VRK2: variants seen among roughly 807,000 people sequenced by gnomAD.
The protein encoded by VRK2 is VRK serine/threonine kinase 2, also known as serine/threonine-protein kinase VRK2.
Under a neutral mutation model 57.6 loss-of-function variants are expected in VRK2, and 60 were observed. That is an observed-to-expected ratio of 1.04 (90% CI 0.85 to 1.29). The LOEUF is 1.29. VRK2 is among the 50% of genes most tolerant of loss of function. VRK2 has a pLI of 0.00. For missense variants in VRK2, 705 were observed against 588.1 expected, an observed-to-expected ratio of 1.20 and a Z score of -2.06; for synonymous variants, 231 against 199.2, an observed-to-expected ratio of 1.16 and a Z score of -1.35.
chr2:58,146,909 C>T (rs1455324492), intron 12 of VRK2, among the ~76,000 whole-genome samples: 1 of 151,976 alleles, frequency 6.6e-6, no homozygotes, highest in East Asian at 1.9e-4. Context: ...GAGTGACTCA[C>T]CTTTAGCAGA....
At chr2:58,085,439 A>T (rs1671480164) in intron 4 of VRK2, among the ~76,000 whole-genome samples, 1 of 152,020 alleles carries the variant, frequency 6.6e-6, no homozygotes, top group African/African-American at 2.4e-5. Context: ...TGGAAAATTA[A>T]TTGGAGCTGG....
chr2:58,051,064 C>T (rs1675657729), intron 2 of VRK2, among the ~76,000 whole-genome samples: 1 of 152,110 alleles, frequency 6.6e-6, no homozygotes, highest in African/African-American at 2.4e-5. Context: ...AGGATGGTCT[C>T]GAACTCCTGA....
chr2:58,124,212 T>G (rs1249727367), intron 8 of VRK2, among the ~76,000 whole-genome samples: 1 of 152,182 alleles, frequency 6.6e-6, no homozygotes, highest in Non-Finnish European at 1.5e-5. Context: ...TTTATTACAC[T>G]GCAGTCCAAA....
chr2:58,120,389 C>T (rs1677295048), intron 7 of VRK2, among the ~76,000 whole-genome samples: 1 of 151,320 alleles, frequency 6.6e-6, no homozygotes, highest in South Asian at 2.1e-4. Flanking sequence ...TGGGGTTTCA[C>T]CATGTTGGCC....
intron 7 of VRK2, among the ~76,000 whole-genome samples, chr2:58,104,269 A>G (rs1009623114): frequency 6.6e-6 from 1 of 151,834 alleles, no homozygotes; most frequent in South Asian, 2.1e-4. Context: ...AAGAAATCGA[A>G]TTATCTCTAT....
At chr2:58,117,170 A>T (rs1029753048) in intron 7 of VRK2, among the ~76,000 whole-genome samples, 2 of 152,156 alleles carry the variant, frequency 1.3e-5, no homozygotes, top group East Asian at 3.9e-4. Context: ...GCTGTAAAGC[A>T]TCTCAGGGTT....
chr2:58,139,413 AG>A (rs1681005496), intron 10 of VRK2, among the ~76,000 whole-genome samples: 1 of 152,128 alleles, frequency 6.6e-6, no homozygotes, highest in Non-Finnish European at 1.5e-5. Context: ...TCATAAGATC[AG>A]TGAATTATAA....
chr2:58,101,427 A>C (rs890942012), intron 7 of VRK2, among the ~76,000 whole-genome samples: 2 of 151,716 alleles, frequency 1.3e-5, no homozygotes, highest in Admixed American at 1.3e-4. Context: ...ACAATTCACT[A>C]TATTATCAGA....
intron 2 of VRK2, among the ~76,000 whole-genome samples, chr2:58,082,529 T>G (rs1671033903): frequency 6.6e-6 from 1 of 151,890 alleles, no homozygotes; most frequent in Non-Finnish European, 1.5e-5. Flanking sequence ...GAAACCATAC[T>G]AGTAAAATAG....
chr2:57,997,200 G>A (rs955410873), intron 1 of VRK2, among the ~76,000 whole-genome samples: 13 of 152,084 alleles, frequency 8.5e-5, no homozygotes, highest in African/African-American at 3.1e-4. Flanking sequence ...CAGGGATTTT[G>A]ACTCTGGATT....
At chr2:57,943,357 G>C (rs1055114434) in intron 1 of VRK2, among the ~76,000 whole-genome samples, 1 of 152,146 alleles carries the variant, frequency 6.6e-6, no homozygotes, top group Non-Finnish European at 1.5e-5. Flanking sequence ...TTTTATTCCA[G>C]GCAACTGTAT....
At chr2:57,935,269 T>A (rs1301661310) in intron 1 of VRK2, among the ~76,000 whole-genome samples, 1 of 152,166 alleles carries the variant, frequency 6.6e-6, no homozygotes, top group African/African-American at 2.4e-5. Context: ...ATTCTTAAAC[T>A]GTCTCAGATC....
intron 1 of VRK2, among the ~76,000 whole-genome samples, chr2:57,987,480 T>A (rs899360800): frequency 6.6e-6 from 1 of 151,368 alleles, no homozygotes; most frequent in Non-Finnish European, 1.5e-5. Context: ...TGAATAGCTT[T>A]AAAAAAAAAT....
At chr2:57,916,320 C>T (rs189995677) in intron 1 of VRK2, among the ~76,000 whole-genome samples, 245 of 150,990 alleles carry the variant, frequency 1.6e-3, no homozygotes, top group African/African-American at 5.8e-3. Context: ...GCAGGAGAAT[C>T]GCTTGAACCT....
At chr2:58,037,505 T>C (rs1233440724) in intron 3 of VRK2, among the ~76,000 whole-genome samples, 1 of 152,052 alleles carries the variant, frequency 6.6e-6, no homozygotes, top group Non-Finnish European at 1.5e-5. Context: ...ATCTGCATGT[T>C]TGCAATGAAA....
chr2:58,053,778 GC>G (rs1377179264), intron 2 of VRK2, among the ~76,000 whole-genome samples: 3 of 152,056 alleles, frequency 2.0e-5, no homozygotes, highest in Non-Finnish European at 4.4e-5. Flanking sequence ...GAGATAAATA[GC>G]CTTATCTGAC....
chr2:58,047,150 G>T, intron 1 of VRK2: 1 of 320,430 alleles, frequency 3.1e-6, no homozygotes, highest in African/African-American at 2.2e-5. Context: ...TTCTCTTTTT[G>T]CCGGTGCAGA....
intron 12 of VRK2, among the ~76,000 whole-genome samples, chr2:58,156,477 A>G (rs2104722175): frequency 6.6e-6 from 1 of 152,270 alleles, no homozygotes; most frequent in African/African-American, 2.4e-5. Flanking sequence ...CTGAGTTCCA[A>G]ATACATGCAT....
At position 58,064,964 on chromosome 2, in the gene VRK2, C is replaced by T. The variant is rs547644831; in HGVS notation, c.136+15997C>T. Among the ~76,000 whole-genome samples, 36 of 152,128 alleles carry T rather than the reference C, an allele frequency of 2.4e-4. 1 individual carries two copies. The highest frequency in any genetic ancestry group is 4.6e-4 in the Admixed American group (7 of 15,244). ...TCTCTTTATCACTTACCTTCTTTCTCATTTCTGCATATTCAGTTTGTGCTC... is the reference window on the plus strand; with the variant it reads ...TCTCTTTATCACTTACCTTCTTTCTTATTTCTGCATATTCAGTTTGTGCTC... On this transcript the variant is annotated intron_variant, in intron 2 of 12. Coordinates refer to ENST00000340157, the MANE Select transcript of VRK2 (RefSeq NM_006296.7).
Sources: allele counts gnomAD v4.1 joint callset (sites outside exome capture counted in the v4.1 genomes callset), GRCh38; gene constraint gnomAD v4.1.1; transcripts MANE v1.5; gene names NCBI Gene and HGNC (gene_info 2026-07-23, HGNC 2026-07-21).